TBL1XR1: variants seen among roughly 807,000 people sequenced by gnomAD.
TBL1XR1 encodes the protein TBL1X/Y related 1.
Under a neutral mutation model 66.9 loss-of-function variants are expected in TBL1XR1, and 5 were observed. That is an observed-to-expected ratio of 0.07 (90% CI 0.04 to 0.16). The LOEUF (loss-of-function observed/expected upper bound fraction) is 0.16, where lower values mean the gene tolerates loss of function less well. TBL1XR1 is among the 10% of genes least tolerant of loss of function. TBL1XR1 has a pLI of 1.00. For synonymous variants in TBL1XR1, 210 were observed against 206.0 expected (o/e 1.02, Z -0.17); for missense variants, 238 against 623.2 (o/e 0.38, Z 6.58).
intron 1 of TBL1XR1, among the ~76,000 whole-genome samples, chr3:177,173,892 G>A (rs1288943513): frequency 6.6e-6 from 1 of 151,992 alleles, no homozygotes; most frequent in Non-Finnish European, 1.5e-5. Context: ...ATTATAATCA[G>A]TTATACATTT....
At chr3:177,033,228 A>T (rs1302607320) in intron 13 of TBL1XR1, 92 bp from the exon 14 acceptor site, 3 of 1,114,330 alleles carry the variant, frequency 2.7e-6, no homozygotes, top group Non-Finnish European at 3.6e-6. Flanking sequence ...AGCCAAATCT[A>T]ATAGCCAAAA....
chr3:177,031,176 AAC>A, intron 14 of TBL1XR1, among the ~76,000 whole-genome samples: 1 of 152,308 alleles, frequency 6.6e-6, no homozygotes, highest in Admixed American at 6.5e-5. Flanking sequence ...TCTTCCCACA[AAC>A]ACAAAGTTAA....
chr3:177,051,860 TAAG>T (rs961270022), intron 4 of TBL1XR1, 134 bp from the exon 5 acceptor site: 163 of 1,148,378 alleles, frequency 1.4e-4, no homozygotes, highest in Non-Finnish European at 1.8e-4. Flanking sequence ...TGAATTCATA[TAAG>T]AAGTCCGGAG....
intron 1 of TBL1XR1, among the ~76,000 whole-genome samples, chr3:177,134,634 T>A (rs904720658): frequency 2.0e-5 from 3 of 152,160 alleles, no homozygotes; most frequent in Non-Finnish European, 4.4e-5. Context: ...AAATACCCCA[T>A]TTAGCTGGTG....
intron 1 of TBL1XR1, among the ~76,000 whole-genome samples, chr3:177,107,723 C>G (rs923670364): frequency 6.6e-6 from 1 of 152,132 alleles, no homozygotes; most frequent in African/African-American, 2.4e-5. Context: ...AACTACCTTT[C>G]TTAAGATCTC....
chr3:177,117,782 TTGGG>T (rs1360822973), intron 1 of TBL1XR1, among the ~76,000 whole-genome samples: 4 of 152,166 alleles, frequency 2.6e-5, no homozygotes, highest in Admixed American at 2.6e-4. Flanking sequence ...ATGCCACTGA[TTGGG>T]AGAAATATAA....
intron 1 of TBL1XR1, among the ~76,000 whole-genome samples, chr3:177,174,135 C>T (rs935532366): frequency 3.9e-5 from 6 of 151,960 alleles, no homozygotes; most frequent in African/African-American, 1.4e-4. Flanking sequence ...GATGACAGGC[C>T]GGGTGCGGTG....
At chr3:177,119,089 A>G (rs1206570918) in intron 1 of TBL1XR1, among the ~76,000 whole-genome samples, 4 of 152,138 alleles carry the variant, frequency 2.6e-5, no homozygotes, top group Non-Finnish European at 5.9e-5. Context: ...CTCCTGCCTC[A>G]GCATCACGGG....
At chr3:177,138,008 T>TA (rs1729193984) in intron 1 of TBL1XR1, among the ~76,000 whole-genome samples, 1 of 151,936 alleles carries the variant, frequency 6.6e-6, no homozygotes, top group Non-Finnish European at 1.5e-5. Flanking sequence ...GCAAAGCGAG[T>TA]AGATGTCACT....
intron 3 of TBL1XR1, among the ~76,000 whole-genome samples, chr3:177,062,158 A>G (rs1026420540): frequency 2.6e-5 from 4 of 152,178 alleles, no homozygotes; most frequent in Admixed American, 2.6e-4. Context: ...ACAAACACAA[A>G]TATACACTTT....
intron 1 of TBL1XR1, among the ~76,000 whole-genome samples, chr3:177,141,740 AAAAG>A (rs1729653854): frequency 1.3e-5 from 2 of 152,226 alleles, no homozygotes; most frequent in South Asian, 4.1e-4. Context: ...GCAGGATCTC[AAAAG>A]AGATACTTGT....
chr3:177,077,996 A>C (rs1282744578), intron 2 of TBL1XR1, among the ~76,000 whole-genome samples: 1 of 152,240 alleles, frequency 6.6e-6, no homozygotes, highest in Non-Finnish European at 1.5e-5. Flanking sequence ...GTGAAAGAGA[A>C]TAAAACCTAA....
At chr3:177,081,690 G>A (rs4857668) in intron 2 of TBL1XR1, among the ~76,000 whole-genome samples, 47,419 of 150,168 alleles carry the variant, frequency 0.32, 7,916 homozygotes, top group East Asian at 0.58. Context: ...GCAGTATGCC[G>A]TGACTGCGCT....
Position 177,051,810 on chromosome 3 carries a change from G to T in TBL1XR1, c.205-84C>A, listed in dbSNP as rs1717126288. The T allele has an allele frequency of 2.2e-6, 3 of 1,346,296 alleles. No homozygotes were observed. The East Asian group carries it at 8.5e-5, about 38-fold the overall frequency. 83.4% of individuals were successfully genotyped at this position (1,346,296 alleles called of 1,614,324 possible). Reference sequence around the variant, plus strand: ...ATTTATACAAAATCAGAAATGAAATGAAAATCTTCGTTCCTAAAAAAACAT... The same window carrying T: ...ATTTATACAAAATCAGAAATGAAATTAAAATCTTCGTTCCTAAAAAAACAT... On this transcript the variant is annotated intron_variant, in intron 4 of 15. Transcript: ENST00000457928.
chr3:177,145,414 T>C (rs1233066234), intron 1 of TBL1XR1, among the ~76,000 whole-genome samples: 1 of 152,100 alleles, frequency 6.6e-6, no homozygotes, highest in Admixed American at 6.5e-5. Context: ...CAAATATGTA[T>C]GGAATACAGA....
At chr3:177,196,292 C>CTAAAA (rs1736836240) in intron 1 of TBL1XR1, 1 of 152,118 alleles carries the variant, frequency 6.6e-6, no homozygotes, top group African/African-American at 2.4e-5. Flanking sequence ...ACAACGTGGC[C>CTAAAA]TTTACACTGT....
chr3:177,033,610 T>C (rs550090226), intron 13 of TBL1XR1, among the ~76,000 whole-genome samples: 53 of 152,252 alleles, frequency 3.5e-4, no homozygotes, highest in Non-Finnish European at 5.4e-4. Context: ...TATTTCAATA[T>C]AGAATATCAT....
chr3:177,155,368 C>T (rs570296320), intron 1 of TBL1XR1, among the ~76,000 whole-genome samples: 157 of 152,098 alleles, frequency 1.0e-3, no homozygotes, highest in Middle Eastern at 3.4e-3. Flanking sequence ...CCACAGACTC[C>T]ACATTAATTG....
chr3:177,195,396 G>A (rs187446761), intron 1 of TBL1XR1, among the ~76,000 whole-genome samples: 253 of 144,034 alleles, frequency 1.8e-3, no homozygotes, highest in African/African-American at 5.9e-3. Flanking sequence ...CCCACACCAT[G>A]TTTTCGGGGA....
Sources: allele counts gnomAD v4.1 joint callset (sites outside exome capture counted in the v4.1 genomes callset), GRCh38; gene constraint gnomAD v4.1.1; transcripts MANE v1.5; gene names NCBI Gene and HGNC (gene_info 2026-07-23, HGNC 2026-07-21).